Variants in METTL15 observed in about 807,000 individuals in gnomAD.
METTL15 encodes methyltransferase 15, mitochondrial 12S rRNA N4-cytidine.
In METTL15, 34 loss-of-function variants were observed where a neutral mutation model predicts 38.3. The ratio of observed to expected loss-of-function variants is 0.89; its 90% CI spans 0.68 to 1.18. METTL15 has a LOEUF of 1.18. Among genes scored for constraint, METTL15 ranks in the 50% most tolerant of loss-of-function variants. The pLI, the probability that METTL15 is intolerant of heterozygous loss-of-function variation, is 0.00. For missense variants in METTL15, 438 were observed against 498.4 expected (o/e 0.88, Z 1.15); for synonymous variants, 162 against 170.9 (o/e 0.95, Z 0.41).
chr11:28,450,795 C>A (rs1590379116), intron 6 of METTL15, among the ~76,000 whole-genome samples: 1 of 152,234 alleles, frequency 6.6e-6, no homozygotes, highest in Non-Finnish European at 1.5e-5. Flanking sequence ...CAATCGTAAT[C>A]CTGAAAGGTA....
intron 6 of METTL15, among the ~76,000 whole-genome samples, chr11:28,447,517 CTTT>C (rs562485215): frequency 6.6e-6 from 1 of 151,110 alleles, no homozygotes; most frequent in Non-Finnish European, 1.5e-5. Context: ...CCTTGATCTC[CTTT>C]TTTTTTCCCA....
At chr11:28,349,186 A>G (rs1057092206) in intron 3 of METTL15, among the ~76,000 whole-genome samples, 1 of 152,108 alleles carries the variant, frequency 6.6e-6, no homozygotes, top group African/African-American at 2.4e-5. Flanking sequence ...CTTTTCTTTA[A>G]TTGTCACTCC....
chr11:28,184,245 G>A (rs530596793), intron 3 of METTL15, among the ~76,000 whole-genome samples: 45 of 151,742 alleles, frequency 3.0e-4, no homozygotes, highest in African/African-American at 9.7e-4. Context: ...AGGGTTTTTT[G>A]TGTCTCTATC....
intron 6 of METTL15, among the ~76,000 whole-genome samples, chr11:28,312,125 G>T (rs1487154038): frequency 6.6e-6 from 1 of 152,140 alleles, no homozygotes; most frequent in Non-Finnish European, 1.5e-5. Context: ...ACTCATTTCA[G>T]GTACACCAGT....
chr11:28,341,364 G>C (rs1043770108), intron 3 of METTL15, among the ~76,000 whole-genome samples: 2 of 152,120 alleles, frequency 1.3e-5, no homozygotes, highest in Non-Finnish European at 2.9e-5. Context: ...AGTGATACAT[G>C]AAAGATATTC....
chr11:28,311,930 G>A (rs1857318244), intron 6 of METTL15, among the ~76,000 whole-genome samples: 1 of 152,218 alleles, frequency 6.6e-6, no homozygotes, highest in African/African-American at 2.4e-5. Flanking sequence ...TGGCTAAGAT[G>A]TCAGCAGGTA....
chr11:28,520,387 A>G (rs2133510977), intron 6 of METTL15, among the ~76,000 whole-genome samples: 1 of 152,272 alleles, frequency 6.6e-6, no homozygotes. Flanking sequence ...GAATGTTTAA[A>G]CTAGAAGGGA....
chr11:28,283,815 A>C (rs566338814), intron 4 of METTL15, among the ~76,000 whole-genome samples: 2 of 152,192 alleles, frequency 1.3e-5, no homozygotes, highest in South Asian at 2.1e-4. Context: ...GCAACATTCT[A>C]CTTACATCCT....
intron 3 of METTL15, among the ~76,000 whole-genome samples, chr11:28,150,633 G>GAA (rs11411164): frequency 2.8e-3 from 417 of 151,338 alleles, no homozygotes; most frequent in Non-Finnish European, 4.7e-3. Context: ...CTGTGTGATA[G>GAA]AAAAAAAACC....
intron 6 of METTL15, among the ~76,000 whole-genome samples, chr11:28,439,552 T>G (rs1851016031): frequency 6.6e-6 from 1 of 152,208 alleles, no homozygotes; most frequent in African/African-American, 2.4e-5. Context: ...GCAGTTTCAC[T>G]TAGAGCTCTA....
At chr11:28,333,592 T>A (rs1345248445), downstream of METTL15, 1 of 152,142 alleles carries the variant, frequency 6.6e-6, no homozygotes, top group Non-Finnish European at 1.5e-5. Flanking sequence ...TTTTAGTTCA[T>A]TACTTAAATA....
chr11:28,280,482 G>C (rs1856011954), intron 4 of METTL15, among the ~76,000 whole-genome samples: 1 of 151,738 alleles, frequency 6.6e-6, no homozygotes, highest in African/African-American at 2.4e-5. Flanking sequence ...TTGCATTTTT[G>C]CTTTTGTATC....
chr11:28,501,576 C>A (rs149567155), intron 6 of METTL15, among the ~76,000 whole-genome samples: 1 of 152,056 alleles, frequency 6.6e-6, no homozygotes, highest in African/African-American at 2.4e-5. Context: ...CTTTTGGTGG[C>A]GCTTTCAGCA....
chr11:28,117,432 A>C (rs531472130), intron 3 of METTL15, among the ~76,000 whole-genome samples: 2 of 152,144 alleles, frequency 1.3e-5, no homozygotes, highest in South Asian at 4.1e-4. Flanking sequence ...CTTATGTTGC[A>C]CTAAGCCATG....
chr11:28,514,201 G>T (rs77971690), intron 6 of METTL15, among the ~76,000 whole-genome samples: 1 of 152,086 alleles, frequency 6.6e-6, no homozygotes, highest in Non-Finnish European at 1.5e-5. Context: ...TAATTGTTTC[G>T]GGGATGGGCA....
chr11:28,303,489 T>C (rs1856979607), intron 6 of METTL15, among the ~76,000 whole-genome samples: 1 of 152,138 alleles, frequency 6.6e-6, no homozygotes, highest in Admixed American at 6.6e-5. Context: ...AATAGATAAT[T>C]GATCTCTAAA....
At chr11:28,439,355 T>C (rs1206262478) in intron 6 of METTL15, among the ~76,000 whole-genome samples, 1 of 152,134 alleles carries the variant, frequency 6.6e-6, no homozygotes, top group Non-Finnish European at 1.5e-5. Flanking sequence ...TAATAAACGC[T>C]CGCTATGCTG....
chr11:28,484,815 G>A (rs142410960), intron 6 of METTL15, among the ~76,000 whole-genome samples: 91 of 152,068 alleles, frequency 6.0e-4, no homozygotes, highest in African/African-American at 2.0e-3. Context: ...CATCAACTAC[G>A]ATTTCCTGAA....
intron 6 of METTL15, among the ~76,000 whole-genome samples, chr11:28,307,815 TCTTTC>T (rs1260070921): frequency 1.3e-5 from 2 of 151,996 alleles, no homozygotes; most frequent in East Asian, 3.8e-4. Flanking sequence ...CAAAAAATGA[TCTTTC>T]CTAGTTACAT....
Sources: gnomAD v4.1 joint callset for allele counts (sites outside exome capture counted in the v4.1 genomes callset) on GRCh38, gnomAD v4.1.1 for gene constraint, MANE v1.5 for transcripts, NCBI Gene and HGNC (gene_info 2026-07-23, HGNC 2026-07-21) for gene names.